CHRM3: variants seen among roughly 807,000 people sequenced by gnomAD.
CHRM3 encodes muscarinic acetylcholine receptor M3.
Under a neutral mutation model 41.8 loss-of-function variants are expected in CHRM3, and 11 were observed. The ratio of observed to expected loss-of-function variants is 0.26; its 90% confidence interval spans 0.17 to 0.44. The LOEUF is 0.44. Ranked by LOEUF, CHRM3 falls within the 20% of genes least tolerant of loss-of-function variation. The pLI, the probability that CHRM3 is intolerant of heterozygous loss-of-function variation, is 1.00. For synonymous variants in CHRM3, 297 were observed against 301.4 expected (o/e 0.99, Z 0.15); for missense variants, 571 against 745.4 (o/e 0.77, Z 2.72).
chr1:239,646,148 T>C (rs1671721159), intron 4 of CHRM3, among the ~76,000 whole-genome samples: 2 of 152,048 alleles, frequency 1.3e-5, no homozygotes, highest in Admixed American at 1.3e-4. Flanking sequence ...ACAGAAAAAA[T>C]AAAATTCAAT....
intron 5 of CHRM3, among the ~76,000 whole-genome samples, chr1:239,788,131 G>A (rs1473240426): frequency 6.6e-6 from 1 of 152,010 alleles, no homozygotes; most frequent in Non-Finnish European, 1.5e-5. Context: ...AGCTACTTGG[G>A]AGTCTGAAGA....
intron 4 of CHRM3, among the ~76,000 whole-genome samples, chr1:239,657,117 A>G (rs1399108384): frequency 2.6e-5 from 4 of 152,178 alleles, no homozygotes; most frequent in Admixed American, 6.5e-5. Flanking sequence ...CAACAGGTAC[A>G]TTTGCACACA....
At chr1:239,664,769 A>G (rs1673601498) in intron 4 of CHRM3, among the ~76,000 whole-genome samples, 1 of 152,130 alleles carries the variant, frequency 6.6e-6, no homozygotes, top group Non-Finnish European at 1.5e-5. Flanking sequence ...GCACATCCGT[A>G]GTGGAGAAAT....
intron 5 of CHRM3, among the ~76,000 whole-genome samples, chr1:239,788,812 A>G (rs968689140): frequency 1.3e-5 from 2 of 152,156 alleles, no homozygotes; most frequent in African/African-American, 4.8e-5. Flanking sequence ...ACCCTGAGCG[A>G]AAGACTGTAA....
intron 1 of CHRM3, among the ~76,000 whole-genome samples, chr1:239,440,648 T>G (rs1663647652): frequency 6.6e-6 from 1 of 152,164 alleles, no homozygotes; most frequent in Admixed American, 6.5e-5. Flanking sequence ...TAAAGTATAT[T>G]TATCATTAAA....
intron 3 of CHRM3, among the ~76,000 whole-genome samples, chr1:239,584,454 A>G (rs367989515): frequency 1.1e-3 from 169 of 152,292 alleles, no homozygotes; most frequent in Non-Finnish European, 2.2e-3. Context: ...CAAAGATACA[A>G]CTGATTAGCA....
At chr1:239,728,075 T>C (rs1663614334) in intron 5 of CHRM3, among the ~76,000 whole-genome samples, 1 of 152,002 alleles carries the variant, frequency 6.6e-6, no homozygotes, top group Admixed American at 6.6e-5. Context: ...CCATTGTTGT[T>C]AAAGGTTTGC....
chr1:239,390,511 G>A (rs1328230977), intron 1 of CHRM3, among the ~76,000 whole-genome samples: 1 of 152,022 alleles, frequency 6.6e-6, no homozygotes, highest in Non-Finnish European at 1.5e-5. Flanking sequence ...ATGCTAAGCA[G>A]AGTATTTCTT....
intron 5 of CHRM3, among the ~76,000 whole-genome samples, chr1:239,723,273 T>C (rs1444452928): frequency 6.6e-6 from 1 of 151,926 alleles, no homozygotes; most frequent in Non-Finnish European, 1.5e-5. Flanking sequence ...GTAATTTCTA[T>C]AGGTATTCTA....
At chr1:239,894,949 C>T (rs1278381773) in intron 6 of CHRM3, among the ~76,000 whole-genome samples, 3 of 152,128 alleles carry the variant, frequency 2.0e-5, no homozygotes, top group African/African-American at 7.2e-5. Context: ...TTGCAAGACC[C>T]TCTGGTGCCT....
chr1:239,449,952 A>G (rs1036692097), intron 1 of CHRM3, among the ~76,000 whole-genome samples: 14 of 152,134 alleles, frequency 9.2e-5, no homozygotes, highest in African/African-American at 3.4e-4. Flanking sequence ...TTAATTTAGA[A>G]TTGTCTGGGT....
chr1:239,579,861 A>C (rs1662704938), intron 3 of CHRM3, among the ~76,000 whole-genome samples: 5 of 152,160 alleles, frequency 3.3e-5, no homozygotes, highest in Admixed American at 3.3e-4. Flanking sequence ...TCACAAAGAC[A>C]CCATGAGGTA....
chr1:239,563,625 G>A (rs1439138441), intron 3 of CHRM3, among the ~76,000 whole-genome samples: 4 of 152,108 alleles, frequency 2.6e-5, no homozygotes, highest in African/African-American at 7.2e-5. Context: ...TCAAGAGAAG[G>A]AGACAAAATT....
chr1:239,404,414 GAAAGAA>G lies in CHRM3; in HGVS notation c.-521+17189_-521+17194del, dbSNP rs1558195789. Among the ~76,000 whole-genome samples the G allele has an allele frequency of 2.0e-3, 104 of 51,214 alleles. 1 individual carries two copies. The highest frequency in any genetic ancestry group is 6.0e-3 in the East Asian group (10 of 1,666). The allele number at this position is 51,214 out of a possible 152,430, so 33.6% of individuals were successfully genotyped here. On this transcript the variant is annotated intron_variant, in intron 1 of 6. Transcript: ENST00000676153. Reference sequence around the variant, plus strand: ...AAAGAAAGAAAGAAAGAAAGAAAAAGAAAGAAAGAAAGAAAGAAAGAAAGAAAGAAA... The same window carrying G: ...AAAGAAAGAAAGAAAGAAAGAAAAAGAGAAAGAAAGAAAGAAAGAAAGAAA...
intron 1 of CHRM3, among the ~76,000 whole-genome samples, chr1:239,450,275 G>A (rs554205710): frequency 3.2e-4 from 49 of 152,240 alleles, no homozygotes; most frequent in African/African-American, 1.1e-3. Flanking sequence ...AATATCAATC[G>A]TAACTGCTTG....
chr1:239,491,156 T>G (rs113856639), intron 1 of CHRM3, among the ~76,000 whole-genome samples: 1 of 152,340 alleles, frequency 6.6e-6, no homozygotes, highest in Non-Finnish European at 1.5e-5. Flanking sequence ...CACATTAGCA[T>G]TTCCATCACA....
chr1:239,912,307 C>G lies in CHRM3; in HGVS notation c.*3083C>G, dbSNP rs897422378. 1 of 167,242 alleles carries G rather than the reference C, an allele frequency of 6.0e-6. No homozygotes were observed. Among genetic ancestry groups the G allele is most frequent in the African/African-American group, 2.4e-5 (1 of 41,458 alleles). 10.4% of individuals were successfully genotyped at this position (167,242 alleles called of 1,614,324 possible). A position where few individuals can be genotyped will look rare whatever the true frequency, so the allele number is the denominator to read the frequency against. On this transcript the variant is annotated 3_prime_UTR_variant, in exon 7 of 7. Transcript: ENST00000676153. ...CTGCTCTCCTTTGCCCATCAGCTCCCTGTGGCCTCTATGCTAGTCCTCCCT... is the reference window on the plus strand; with the variant it reads ...CTGCTCTCCTTTGCCCATCAGCTCCGTGTGGCCTCTATGCTAGTCCTCCCT...
chr1:239,818,345 G>A (rs1334069499), intron 5 of CHRM3, among the ~76,000 whole-genome samples: 1 of 152,098 alleles, frequency 6.6e-6, no homozygotes, highest in East Asian at 1.9e-4. Flanking sequence ...GCCACATGAG[G>A]GATTAGGTCT....
In CHRM3 at chr1:239,771,566, T is replaced by G. The variant is rs549933422; in HGVS notation, c.-146-55686T>G. Among the ~76,000 whole-genome samples, 5 of 152,322 alleles carry G rather than the reference T, an allele frequency of 3.3e-5. No homozygotes were observed. The South Asian group carries it at 1.0e-3, about 32-fold the overall frequency. ...AATAACTGTGTGACCTAAGTGGACGTCAAGGCAGAAATGATGAAATTCATT... is the reference window on the plus strand; with the variant it reads ...AATAACTGTGTGACCTAAGTGGACGGCAAGGCAGAAATGATGAAATTCATT... On this transcript the variant is annotated intron_variant, in intron 5 of 6. Transcript: ENST00000676153.
Sources: gnomAD v4.1 joint callset for allele counts (sites outside exome capture counted in the v4.1 genomes callset) on GRCh38, gnomAD v4.1.1 for gene constraint, MANE v1.5 for transcripts, NCBI Gene and HGNC (gene_info 2026-07-23, HGNC 2026-07-21) for gene names.